USP3: variants seen among roughly 807,000 people sequenced by gnomAD.
USP3 encodes the protein ubiquitin carboxyl-terminal hydrolase 3.
In USP3, 20 loss-of-function variants were observed where a neutral mutation model predicts 72.3. The observed-to-expected ratio is 0.28, with a 90% CI of 0.19 to 0.40. USP3 has a LOEUF of 0.40. Among genes scored for constraint, USP3 ranks in the 10% least tolerant of loss-of-function variants. The pLI is 1.00. For missense variants in USP3, 479 were observed against 633.9 expected (o/e 0.76, Z 2.62); for synonymous variants, 222 against 225.3 (o/e 0.99, Z 0.13).
At chr15:63,543,474 T>G (rs1289817609) in intron 3 of USP3, among the ~76,000 whole-genome samples, 2 of 152,184 alleles carry the variant, frequency 1.3e-5, no homozygotes, top group Non-Finnish European at 2.9e-5. Flanking sequence ...TTGTCAAATA[T>G]TTAACACCTG....
At chr15:63,531,841 G>A (rs1331832308) in intron 1 of USP3, among the ~76,000 whole-genome samples, 2 of 152,108 alleles carry the variant, frequency 1.3e-5, no homozygotes, top group African/African-American at 4.8e-5. Context: ...AAGTCACCTG[G>A]GAAGCTACTT....
intron 2 of USP3, 103 bp downstream of exon 2, chr15:63,532,810 A>G: frequency 1.7e-6 from 2 of 1,210,916 alleles, no homozygotes; most frequent in Admixed American, 3.7e-5. Flanking sequence ...ACCATTGTTA[A>G]TCATAATGCA....
At chr15:63,543,052 T>C (rs1288665665) in intron 3 of USP3, among the ~76,000 whole-genome samples, 1 of 152,002 alleles carries the variant, frequency 6.6e-6, no homozygotes, top group Non-Finnish European at 1.5e-5. Context: ...GCTTTCTCTT[T>C]ATTAGTAGTC....
intron 11 of USP3, among the ~76,000 whole-genome samples, chr15:63,578,449 A>C (rs1250381040): frequency 2.2e-5 from 3 of 139,460 alleles, no homozygotes; most frequent in East Asian, 2.0e-4. Context: ...CTAAAAATAC[A>C]AAAAAAAAAA....
chr15:63,510,310 C>T (rs961654223), intron 1 of USP3, among the ~76,000 whole-genome samples: 4 of 152,136 alleles, frequency 2.6e-5, no homozygotes, highest in African/African-American at 9.7e-5. Context: ...ATGTACATTT[C>T]CCCTAACCTA....
intron 1 of USP3, among the ~76,000 whole-genome samples, chr15:63,509,012 C>T (rs2065749191): frequency 6.6e-6 from 1 of 152,014 alleles, no homozygotes; most frequent in Non-Finnish European, 1.5e-5. Flanking sequence ...TTTAAGAGAT[C>T]CATTCAGTAG....
chr15:63,543,823 A>G (rs541358838), intron 3 of USP3, among the ~76,000 whole-genome samples: 13 of 152,352 alleles, frequency 8.5e-5, no homozygotes, highest in Non-Finnish European at 1.5e-4. Context: ...AAGTTGGACA[A>G]AATGTTTAAA....
chr15:63,509,372 A>G (rs1028919132), intron 1 of USP3, among the ~76,000 whole-genome samples: 1 of 152,188 alleles, frequency 6.6e-6, no homozygotes, highest in Non-Finnish European at 1.5e-5. Context: ...ATAAACGCAG[A>G]GTGAACTTTC....
At chr15:63,551,425 TA>T (rs1345812366) in intron 3 of USP3, 2 of 151,776 alleles carry the variant, frequency 1.3e-5, no homozygotes, top group African/African-American at 4.8e-5. Flanking sequence ...ATAAGTATTT[TA>T]ATTTAATTGC....
chr15:63,578,833 C>G (rs1157259735), intron 11 of USP3, among the ~76,000 whole-genome samples: 1 of 151,926 alleles, frequency 6.6e-6, no homozygotes, highest in South Asian at 2.1e-4. Context: ...ATAGAATGAC[C>G]AAATTATTAA....
In USP3 at chr15:63,591,411, C is replaced by T. The variant is rs1393617009; in HGVS notation, c.*585C>T. 6.6e-6 allele frequency: 1 copy of T among 152,268 alleles called. No homozygotes were observed. Among genetic ancestry groups the T allele is most frequent in the Non-Finnish European group, 1.5e-5 (1 of 68,070 alleles). 9.4% of individuals were successfully genotyped at this position (152,268 alleles called of 1,614,324 possible). A position where few individuals can be genotyped will look rare whatever the true frequency, so the allele number is the denominator to read the frequency against. On this transcript the variant is annotated 3_prime_UTR_variant, in exon 15 of 15. Coordinates refer to ENST00000380324, the MANE Select transcript of USP3 (RefSeq NM_006537.4). ...TGTCTCTCAAGGCTGCTGTCTTTAT[C>T]AGCACTAACTAAATAAATTTGTTGG...
chr15:63,572,516 T>C (rs2066796066), intron 9 of USP3, among the ~76,000 whole-genome samples: 1 of 152,194 alleles, frequency 6.6e-6, no homozygotes, highest in Admixed American at 6.5e-5. Flanking sequence ...CAATATGTCT[T>C]ACAAACAGTA....
chr15:63,523,335 G>T (rs544767153), intron 1 of USP3, among the ~76,000 whole-genome samples: 1 of 152,184 alleles, frequency 6.6e-6, no homozygotes, highest in South Asian at 2.1e-4. Flanking sequence ...ACAGAGAGGA[G>T]GCAGGCTCTG....
chr15:63,581,541 A>G (rs1470389962), intron 11 of USP3, among the ~76,000 whole-genome samples: 3 of 133,624 alleles, frequency 2.2e-5, no homozygotes, highest in South Asian at 4.7e-4. Flanking sequence ...CAGCCACCAC[A>G]CCCGGCTAAT....
intron 4 of USP3, 150 bp from the exon 5 acceptor site, chr15:63,556,517 C>T: frequency 9.6e-6 from 5 of 519,082 alleles, no homozygotes; most frequent in Non-Finnish European, 1.7e-5. Flanking sequence ...CGGTTAACTT[C>T]AAATACGTGT....
chr15:63,514,909 C>G lies in USP3; in HGVS notation c.91+10079C>G, dbSNP rs550869288. Among the ~76,000 whole-genome samples, 3 of 152,270 alleles carry G rather than the reference C, an allele frequency of 2.0e-5. No individual in the cohort carries two copies. In the East Asian group the frequency reaches 5.8e-4, roughly 29 times the overall value. On this transcript the variant is annotated intron_variant, in intron 1 of 14. Transcript: ENST00000380324. ...CAGCATGGAATTGCATCAGATCTTG[C>G]TGTATTAAATAAATGAAGATATTAG... is the stretch of plus-strand genomic sequence containing the variant.
In USP3 at chr15:63,559,889, A is replaced by G; in HGVS notation, c.566A>G (p.Glu189Gly). 1 of 1,614,000 alleles carries G rather than the reference A, an allele frequency of 6.2e-7. No individual in the cohort carries two copies. The highest frequency in any genetic ancestry group is 8.5e-7 in the Non-Finnish European group (1 of 1,179,938). Residue 189 changes from glutamate to glycine, a missense_variant, in exon 7 of 15, where the codon GAA becomes GGA. By Grantham distance (98) the Glu-to-Gly change is moderately conservative. Coordinates refer to ENST00000380324, the MANE Select transcript of USP3 (RefSeq NM_006537.4). ...NIEQFCCYFK[E>G]LPAVELRNGK... ...GAGCAGTTTTGCTGTTATTTCAAAGAACTGCCCGCCGTGGAGTTAAGGAAT... is the reference window on the plus strand; with the variant it reads ...GAGCAGTTTTGCTGTTATTTCAAAGGACTGCCCGCCGTGGAGTTAAGGAAT...
At chr15:63,551,541 C>G (rs979087701) in intron 3 of USP3, among the ~76,000 whole-genome samples, 1 of 151,920 alleles carries the variant, frequency 6.6e-6, no homozygotes, top group Non-Finnish European at 1.5e-5. Flanking sequence ...ATAGAAAAAT[C>G]ACTTGAACTG....
intron 1 of USP3, among the ~76,000 whole-genome samples, chr15:63,505,874 C>CGGCAAT (rs2065706604): frequency 6.6e-6 from 1 of 152,112 alleles, no homozygotes; most frequent in Non-Finnish European, 1.5e-5. Flanking sequence ...TATAGAAAAA[C>CGGCAAT]GGCAATGGTA....
Sources: allele counts gnomAD v4.1 joint callset (sites outside exome capture counted in the v4.1 genomes callset), GRCh38; gene constraint gnomAD v4.1.1; transcripts MANE v1.5; gene names NCBI Gene and HGNC (gene_info 2026-07-23, HGNC 2026-07-21).